Variants in GPC6 observed in about 807,000 individuals in gnomAD.
GPC6 encodes glypican 6.
Under a neutral mutation model 55.2 loss-of-function variants are expected in GPC6, and 14 were observed. The ratio of observed to expected loss-of-function variants is 0.25; its 90% CI spans 0.17 to 0.40. The LOEUF (loss-of-function observed/expected upper bound fraction) is 0.40, where lower values mean the gene tolerates loss of function less well. GPC6 is among the 10% of genes least tolerant of loss of function. GPC6 has a pLI of 1.00. For synonymous variants in GPC6, 278 were observed against 259.6 expected (o/e 1.07, Z -0.68); for missense variants, 641 against 708.5 (o/e 0.90, Z 1.08).
chr13:93,982,541 A>T (rs1880854183), intron 3 of GPC6, among the ~76,000 whole-genome samples: 1 of 152,116 alleles, frequency 6.6e-6, no homozygotes, highest in African/African-American at 2.4e-5. Flanking sequence ...TCCTTACACT[A>T]CTTAGGTATC....
chr13:93,800,357 G>C (rs140916955), intron 2 of GPC6, among the ~76,000 whole-genome samples: 2 of 152,112 alleles, frequency 1.3e-5, no homozygotes, highest in African/African-American at 2.4e-5. Context: ...GAATGTGCTC[G>C]TCAGCTTGAA....
intron 3 of GPC6, among the ~76,000 whole-genome samples, chr13:94,016,688 C>T (rs1296115057): frequency 6.6e-6 from 1 of 152,138 alleles, no homozygotes; most frequent in Non-Finnish European, 1.5e-5. Context: ...CAAAATATGT[C>T]TTCTAGTCCA....
At chr13:93,665,036 A>C (rs898297704) in intron 2 of GPC6, among the ~76,000 whole-genome samples, 1 of 152,184 alleles carries the variant, frequency 6.6e-6, no homozygotes, top group Non-Finnish European at 1.5e-5. Context: ...CAGAGGCCCA[A>C]TCAGCTATCA....
chr13:93,676,118 AAAAAAAAAATATATAT>A (rs1881589052), intron 2 of GPC6, among the ~76,000 whole-genome samples: 1 of 16,142 alleles, frequency 6.2e-5, no homozygotes, highest in African/African-American at 1.4e-4. Context: ...AAAAAAAAAA[AAAAAAAAAATATATAT>A]ATATATATAT....
At chr13:93,900,769 A>G (rs1876302475) in intron 3 of GPC6, among the ~76,000 whole-genome samples, 1 of 152,200 alleles carries the variant, frequency 6.6e-6, no homozygotes, top group Non-Finnish European at 1.5e-5. Flanking sequence ...AGTACAGAAA[A>G]TAATCATGAG....
intron 7 of GPC6, among the ~76,000 whole-genome samples, chr13:94,384,644 G>A (rs1480364251): frequency 6.6e-6 from 1 of 152,206 alleles, no homozygotes; most frequent in South Asian, 2.1e-4. Context: ...AGTTAGAGCT[G>A]GAGGAGATCA....
At chr13:93,534,013 C>A (rs115913782) in intron 1 of GPC6, among the ~76,000 whole-genome samples, 1 of 152,018 alleles carries the variant, frequency 6.6e-6, no homozygotes, top group Admixed American at 6.6e-5. Context: ...GGAGAAGAAG[C>A]CTTAATGAAG....
chr13:93,808,974 G>A (rs1247883875), intron 2 of GPC6, among the ~76,000 whole-genome samples: 1 of 152,192 alleles, frequency 6.6e-6, no homozygotes, highest in African/African-American at 2.4e-5. Context: ...TGTGGACTTA[G>A]TGAAGGGTGG....
chr13:93,566,625 T>C (rs555291282), intron 2 of GPC6, among the ~76,000 whole-genome samples: 1 of 152,174 alleles, frequency 6.6e-6, no homozygotes, highest in African/African-American at 2.4e-5. Context: ...TGCAGGTTTG[T>C]TACATAGGTA....
intron 6 of GPC6, among the ~76,000 whole-genome samples, chr13:94,368,928 A>G (rs1002510255): frequency 6.6e-6 from 1 of 152,192 alleles, no homozygotes; most frequent in African/African-American, 2.4e-5. Context: ...GGTTGCAAAA[A>G]TTGTTTTGTG....
At chr13:93,502,731 T>G (rs1212723527) in intron 1 of GPC6, among the ~76,000 whole-genome samples, 2 of 152,116 alleles carry the variant, frequency 1.3e-5, no homozygotes, top group Non-Finnish European at 2.9e-5. Flanking sequence ...GTCTAGACAA[T>G]CAGCAAAACA....
chr13:93,871,530 C>T (rs141733019), intron 3 of GPC6, among the ~76,000 whole-genome samples: 7 of 152,038 alleles, frequency 4.6e-5, no homozygotes, highest in East Asian at 2.0e-4. Context: ...GACTAAACGT[C>T]GCACTGGGAT....
chr13:93,749,435 A>G lies in GPC6; in HGVS notation c.320-80719A>G, dbSNP rs187416619. ...TTTTTTTTTATTTTCCTTGACTATT[A>G]CTTGATAATCTTTGATATATGCTAC... On this transcript the variant is annotated intron_variant, in intron 2 of 8. Coordinates refer to ENST00000377047, the MANE Select transcript of GPC6 (RefSeq NM_005708.5). 8.0e-3 allele frequency among the ~76,000 whole-genome samples: 1,208 copies of G among 151,842 alleles called. 6 individuals carry two copies. The highest frequency in any genetic ancestry group is 0.013 in the Non-Finnish European group (861 of 67,828).
chr13:93,927,624 T>C (rs917509864), intron 3 of GPC6, among the ~76,000 whole-genome samples: 1 of 151,670 alleles, frequency 6.6e-6, no homozygotes, highest in Non-Finnish European at 1.5e-5. Context: ...GTGGATCTAC[T>C]GCATAGTAAA....
chr13:93,947,987 C>T (rs1306864606), intron 3 of GPC6, among the ~76,000 whole-genome samples: 1 of 152,104 alleles, frequency 6.6e-6, no homozygotes, highest in South Asian at 2.1e-4. Context: ...TTTTACTACC[C>T]TAATTATTTG....
At chr13:93,473,695 T>A (rs1309022034) in intron 1 of GPC6, among the ~76,000 whole-genome samples, 2 of 152,194 alleles carry the variant, frequency 1.3e-5, no homozygotes, top group African/African-American at 4.8e-5. Flanking sequence ...CTGACCATGC[T>A]GCTCCCCTAC....
Position 93,757,465 on chromosome 13 carries a change from T to G in GPC6, c.320-72689T>G, listed in dbSNP as rs565276012. Reference sequence around the variant, plus strand: ...GGCATTATTGCCAGCTGCCTAGAGTTTTCTGTTACTGAGATCTATGGGAGC... The same window carrying G: ...GGCATTATTGCCAGCTGCCTAGAGTGTTCTGTTACTGAGATCTATGGGAGC... On this transcript the variant is annotated intron_variant, in intron 2 of 8. Transcript: ENST00000377047. Among the ~76,000 whole-genome samples the G allele has an allele frequency of 1.3e-4, 20 of 152,206 alleles. 1 individual carries two copies. Among genetic ancestry groups the G allele is most frequent in the African/African-American group, 4.6e-4 (19 of 41,538 alleles).
intron 2 of GPC6, among the ~76,000 whole-genome samples, chr13:93,593,856 T>C (rs927049837): frequency 1.3e-5 from 2 of 152,134 alleles, no homozygotes; most frequent in Non-Finnish European, 2.9e-5. Flanking sequence ...TATAAAAATA[T>C]AAGAAAGATT....
rs142746298 is a variant in GPC6, at chr13:93,782,969, A to C, written c.320-47185A>C. ...CTAGGTATTAAGCCCTGCATGCATTAGCTATGCTGCCCTTCCCCAACAGGC... is the reference window on the plus strand; with the variant it reads ...CTAGGTATTAAGCCCTGCATGCATTCGCTATGCTGCCCTTCCCCAACAGGC... On this transcript the variant is annotated intron_variant, in intron 2 of 8. Transcript: ENST00000377047. Among the ~76,000 whole-genome samples, 81 of 152,234 alleles carry C rather than the reference A, an allele frequency of 5.3e-4. No homozygotes were observed. In the East Asian group the frequency reaches 0.015, roughly 29 times the overall value.
Sources: allele counts gnomAD v4.1 joint callset (sites outside exome capture counted in the v4.1 genomes callset), GRCh38; gene constraint gnomAD v4.1.1; transcripts MANE v1.5; gene names NCBI Gene and HGNC (gene_info 2026-07-23, HGNC 2026-07-21).